Variants in HIBADH observed in about 807,000 individuals in gnomAD.
HIBADH encodes 3-hydroxyisobutyrate dehydrogenase, mitochondrial.
HIBADH carries 25 observed loss-of-function variants against 36.1 expected under a neutral mutation model. That is an observed-to-expected ratio of 0.69 (90% CI 0.50 to 0.97). HIBADH has a LOEUF of 0.97. Ranked by LOEUF, HIBADH falls within the 50% of genes least tolerant of loss-of-function variation. HIBADH has a pLI of 0.00. For synonymous variants in HIBADH, 160 were observed against 149.5 expected, an observed-to-expected ratio of 1.07 and a Z score of -0.51; for missense variants, 421 against 418.0, an observed-to-expected ratio of 1.01 and a Z score of -0.06.
chr7:27,608,379 ATG>A (rs1785267719), intron 4 of HIBADH, among the ~76,000 whole-genome samples: 1 of 152,224 alleles, frequency 6.6e-6, no homozygotes, highest in Non-Finnish European at 1.5e-5. Flanking sequence ...TAAATTTAAA[ATG>A]TTCACAACTA....
chr7:27,535,749 TCTTTA>T (rs997581570), intron 6 of HIBADH, among the ~76,000 whole-genome samples: 5 of 150,926 alleles, frequency 3.3e-5, no homozygotes, highest in African/African-American at 7.4e-5. Flanking sequence ...TATTTTTTAC[TCTTTA>T]CTTTTTTTTT....
rs1250197861 is a variant in HIBADH at position 27,649,521 on chromosome 7, A to G, written c.204T>C (p.Tyr68=). The change falls in exon 2 of 8, where the codon TAT becomes TAC. Residue 68 remains tyrosine (Y), a synonymous_variant. Coordinates refer to ENST00000265395, the MANE Select transcript of HIBADH (RefSeq NM_152740.4). ...LMKHGYPLII[Y]DVFPDACKEF... The stretch of plus-strand genomic sequence containing the variant: ...CTTTGCAGGCATCAGGGAACACATC[A>G]TAAATAATAAGTGGATAGCCATGTT... 3.1e-6 allele frequency: 5 copies of G among 1,613,990 alleles called. No homozygotes were observed. The highest frequency in any genetic ancestry group is 4.2e-6 in the Non-Finnish European group (5 of 1,179,914).
intron 4 of HIBADH, among the ~76,000 whole-genome samples, chr7:27,604,880 T>C (rs1332735571): frequency 1.3e-5 from 2 of 152,058 alleles, no homozygotes; most frequent in Admixed American, 6.6e-5. Context: ...TGAAAACATA[T>C]ACATTTCTTA....
At chr7:27,640,917 C>T (rs1185940323) in intron 2 of HIBADH, among the ~76,000 whole-genome samples, 2 of 152,134 alleles carry the variant, frequency 1.3e-5, no homozygotes. Flanking sequence ...TTTATGTATG[C>T]AGTCCATGAC....
chr7:27,635,645 G>A (rs1005981188), intron 2 of HIBADH, among the ~76,000 whole-genome samples: 1 of 152,202 alleles, frequency 6.6e-6, no homozygotes, highest in Non-Finnish European at 1.5e-5. Context: ...GGGCTAAGGG[G>A]ACTGGAAGCA....
intron 2 of HIBADH, among the ~76,000 whole-genome samples, chr7:27,641,331 T>C (rs984381325): frequency 6.6e-6 from 1 of 152,306 alleles, no homozygotes; most frequent in Non-Finnish European, 1.5e-5. Context: ...TGGTGGGGTG[T>C]TGGGGGATGG....
chr7:27,645,253 C>G (rs1174978188), intron 2 of HIBADH, among the ~76,000 whole-genome samples: 5 of 151,672 alleles, frequency 3.3e-5, no homozygotes, highest in African/African-American at 9.7e-5. Context: ...AGTGGCTGTA[C>G]CATTTTACAT....
At chr7:27,620,332 A>G (rs1325484109) in intron 4 of HIBADH, among the ~76,000 whole-genome samples, 1 of 152,166 alleles carries the variant, frequency 6.6e-6, no homozygotes, top group Non-Finnish European at 1.5e-5. Context: ...ATAAACAAAT[A>G]AATAAAGTCT....
At chr7:27,628,782 C>T (rs1223010449) in intron 4 of HIBADH, among the ~76,000 whole-genome samples, 1 of 152,072 alleles carries the variant, frequency 6.6e-6, no homozygotes, top group Non-Finnish European at 1.5e-5. Flanking sequence ...TTTACATCTA[C>T]ATTCATGACT....
chr7:27,568,639 T>A (rs1042607067), intron 4 of HIBADH, among the ~76,000 whole-genome samples: 7 of 151,962 alleles, frequency 4.6e-5, no homozygotes, highest in African/African-American at 1.7e-4. Flanking sequence ...TTTTTAAATT[T>A]TTTTGTATTT....
chr7:27,541,838 TCACA>T (rs1784155999), intron 5 of HIBADH: 3 of 358,210 alleles, frequency 8.4e-6, no homozygotes, highest in East Asian at 9.8e-5. Flanking sequence ...GATGAACCAC[TCACA>T]CAAAGATGAT....
At chr7:27,545,668 G>A (rs982444272) in intron 4 of HIBADH, among the ~76,000 whole-genome samples, 3 of 151,968 alleles carry the variant, frequency 2.0e-5, no homozygotes, top group African/African-American at 4.8e-5. Context: ...ATGCATACTC[G>A]GGTAGTTGCT....
At chr7:27,546,647 A>G (rs370507880) in intron 4 of HIBADH, among the ~76,000 whole-genome samples, 21 of 152,322 alleles carry the variant, frequency 1.4e-4, no homozygotes, top group African/African-American at 5.1e-4. Flanking sequence ...ATCACTGTGA[A>G]GACTTCTTGC....
intron 4 of HIBADH, among the ~76,000 whole-genome samples, chr7:27,591,357 C>CT (rs1784936764): frequency 6.6e-6 from 1 of 152,104 alleles, no homozygotes; most frequent in Non-Finnish European, 1.5e-5. Context: ...CGAGACCATC[C>CT]TGGCTAACAC....
At chr7:27,584,737 G>A (rs185802087) in intron 4 of HIBADH, among the ~76,000 whole-genome samples, 1 of 151,924 alleles carries the variant, frequency 6.6e-6, no homozygotes, top group South Asian at 2.1e-4. Context: ...TCAACATTAA[G>A]ATTTAATAAA....
At chr7:27,565,689 C>T (rs1271810803) in intron 4 of HIBADH, among the ~76,000 whole-genome samples, 1 of 152,096 alleles carries the variant, frequency 6.6e-6, no homozygotes, top group Non-Finnish European at 1.5e-5. Context: ...AGAGACTAAG[C>T]AGTGAGAGTA....
intron 4 of HIBADH, among the ~76,000 whole-genome samples, chr7:27,546,134 G>T (rs977991720): frequency 1.3e-5 from 2 of 152,066 alleles, no homozygotes; most frequent in South Asian, 2.1e-4. Flanking sequence ...TTGAGACAGG[G>T]TCTTACTCTG....
intron 4 of HIBADH, among the ~76,000 whole-genome samples, chr7:27,623,238 A>T (rs1785575975): frequency 6.6e-6 from 1 of 152,350 alleles, no homozygotes; most frequent in South Asian, 2.1e-4. Flanking sequence ...AACTAGGCAT[A>T]GAAGGAACAT....
intron 4 of HIBADH, among the ~76,000 whole-genome samples, chr7:27,619,612 A>T (rs1785502107): frequency 6.6e-6 from 1 of 152,164 alleles, no homozygotes; most frequent in Non-Finnish European, 1.5e-5. Flanking sequence ...GAAGAGATAG[A>T]TATCTTTAAG....
Sources: allele counts gnomAD v4.1 joint callset (sites outside exome capture counted in the v4.1 genomes callset), GRCh38; gene constraint gnomAD v4.1.1; transcripts MANE v1.5; gene names NCBI Gene and HGNC (gene_info 2026-07-23, HGNC 2026-07-21).